ADSL: variants seen among roughly 807,000 people sequenced by gnomAD.
ADSL encodes the protein adenylosuccinase.
Under a neutral mutation model 62.1 loss-of-function variants are expected in ADSL, and 44 were observed. The ratio of observed to expected loss-of-function variants is 0.71; its 90% CI spans 0.56 to 0.91. The LOEUF (loss-of-function observed/expected upper bound fraction) is 0.91. ADSL is among the 40% of genes least tolerant of loss of function. The probability of loss-of-function intolerance (pLI) is 0.00; values close to 1 mark genes in which losing one functional copy is unlikely to be tolerated. For missense variants in ADSL, 531 were observed against 627.4 expected (o/e 0.85, Z 1.64); for synonymous variants, 198 against 220.5 (o/e 0.90, Z 0.90).
chr22:40,363,991 G>A (rs1450029095), intron 10 of ADSL, among the ~76,000 whole-genome samples: 2 of 151,950 alleles, frequency 1.3e-5, no homozygotes, highest in African/African-American at 2.4e-5. Context: ...GCAGGAGAAT[G>A]GCGTGAGCCC....
At position 40,353,623 on chromosome 22, in the gene ADSL, T is replaced by TC. The variant is rs202006319; in HGVS notation, c.402+506_402+507insC. Reference sequence around the variant, plus strand: ...CTAAATGGTTTTTAAAGCATAGCCTTTTTTTTTTTTTTTTTTTTTTGAGAT... The same window carrying TC: ...CTAAATGGTTTTTAAAGCATAGCCTTCTTTTTTTTTTTTTTTTTTTTGAGAT... On this transcript the variant is annotated intron_variant, in intron 3 of 12. Coordinates refer to ENST00000623063, the MANE Select transcript of ADSL (RefSeq NM_000026.4). Among the ~76,000 whole-genome samples the TC allele has an allele frequency of 2.5e-3, 259 of 104,296 alleles. 12 individuals carry two copies. The East Asian group carries it at 0.046, about 19-fold the overall frequency. 68.4% of individuals were successfully genotyped at this position (104,296 alleles called of 152,430 possible).
intron 6 of ADSL, 29 bp from the exon 7 acceptor site, chr22:40,360,373 A>C: frequency 6.3e-7 from 1 of 1,581,074 alleles, no homozygotes; most frequent in Non-Finnish European, 8.7e-7. Flanking sequence ...AAATATTTTA[A>C]CCTAAGTCTC....
At chr22:40,359,369 C>A in intron 6 of ADSL, 63 bp downstream of exon 6, 1 of 1,529,856 alleles carries the variant, frequency 6.5e-7, no homozygotes, top group Non-Finnish European at 9.1e-7. Flanking sequence ...ATTCAGTATA[C>A]CTGCAGATTT....
downstream of ADSL, chr22:40,369,402 ATATT>A (rs2045118776): frequency 6.7e-6 from 1 of 149,186 alleles, no homozygotes; most frequent in African/African-American, 2.4e-5. Context: ...AAACATATAT[ATATT>A]AAATGTACAT....
chr22:40,351,353 G>A (rs937517436), intron 2 of ADSL, among the ~76,000 whole-genome samples: 2 of 151,826 alleles, frequency 1.3e-5, no homozygotes, highest in Non-Finnish European at 2.9e-5. Context: ...TTTATTTTTA[G>A]TAGAGACAGG....
downstream of ADSL, among the ~76,000 whole-genome samples, chr22:40,373,740 C>T (rs1290822948): frequency 2.0e-5 from 3 of 151,512 alleles, no homozygotes; most frequent in African/African-American, 7.3e-5. Flanking sequence ...CTCAGCCTCC[C>T]GAGTAGCTGA....
At chr22:40,352,508 A>G (rs2044387614) in intron 2 of ADSL, among the ~76,000 whole-genome samples, 1 of 152,174 alleles carries the variant, frequency 6.6e-6, no homozygotes, top group African/African-American at 2.4e-5. Context: ...AGCCTGGGCG[A>G]CAGAGCGAGA....
chr22:40,362,279 A>G (rs1237988511), intron 9 of ADSL, among the ~76,000 whole-genome samples: 1 of 152,186 alleles, frequency 6.6e-6, no homozygotes, highest in Admixed American at 6.5e-5. Context: ...TCTTGAGTGG[A>G]TACGGATGTA....
chr22:40,362,634 G>A (rs111953045), intron 9 of ADSL, among the ~76,000 whole-genome samples: 56 of 152,210 alleles, frequency 3.7e-4, no homozygotes, highest in Admixed American at 2.0e-4. Flanking sequence ...AGCTTGGTGA[G>A]TGGGGCGCTA....
chr22:40,370,199 C>CA (rs2045168744), downstream of ADSL, among the ~76,000 whole-genome samples: 2 of 151,328 alleles, frequency 1.3e-5, no homozygotes, highest in South Asian at 2.1e-4. Flanking sequence ...ACTAAAAATA[C>CA]AAAAAAATTA....
chr22:40,354,805 G>A (rs1430744007), intron 4 of ADSL, among the ~76,000 whole-genome samples: 1 of 151,388 alleles, frequency 6.6e-6, no homozygotes, highest in African/African-American at 2.4e-5. Flanking sequence ...GGACGCGGAG[G>A]TTGCAGTGAG....
intron 4 of ADSL, among the ~76,000 whole-genome samples, chr22:40,356,793 T>C (rs1266407871): frequency 6.6e-6 from 1 of 151,914 alleles, no homozygotes; most frequent in African/African-American, 2.4e-5. Flanking sequence ...CAGTGAGCTG[T>C]GATTATACCA....
chr22:40,358,760 G>T, intron 4 of ADSL, 104 bp from the exon 5 acceptor site: 1 of 1,057,386 alleles, frequency 9.5e-7, no homozygotes, highest in Non-Finnish European at 1.5e-6. Context: ...TACTTAAATT[G>T]TTCTCCCTCC....
At chr22:40,350,373 C>G (rs980467273) in intron 2 of ADSL, 4 of 261,318 alleles carry the variant, frequency 1.5e-5, no homozygotes, top group African/African-American at 4.6e-5. Flanking sequence ...TGATCCACCC[C>G]CCTCAGCCTC....
At chr22:40,373,899 C>T (rs1181221351), downstream of ADSL, among the ~76,000 whole-genome samples, 4 of 151,988 alleles carry the variant, frequency 2.6e-5, no homozygotes, top group African/African-American at 9.7e-5. Flanking sequence ...CAGGCGTGAG[C>T]CACCACACCT....
intron 4 of ADSL, 112 bp downstream of exon 4, chr22:40,354,439 T>TATAAGTA (rs1253428524): frequency 1.1e-6 from 1 of 882,130 alleles, no homozygotes; most frequent in Non-Finnish European, 1.9e-6. Flanking sequence ...ATGATTTAAA[T>TATAAGTA]ATAAGTAATT....
chr22:40,354,925 C>T (rs1395686394), intron 4 of ADSL, among the ~76,000 whole-genome samples: 1 of 151,064 alleles, frequency 6.6e-6, no homozygotes, highest in Non-Finnish European at 1.5e-5. Context: ...ATAAGTAAGG[C>T]ATAGTATTCA....
chr22:40,349,167 T>C (rs1269272962), intron 1 of ADSL, among the ~76,000 whole-genome samples: 2 of 152,074 alleles, frequency 1.3e-5, no homozygotes, highest in East Asian at 1.9e-4. Flanking sequence ...TTAATAAATA[T>C]GTAAAAATGT....
intron 9 of ADSL, 118 bp downstream of exon 9, chr22:40,361,753 A>T (rs1173425801): frequency 8.0e-6 from 11 of 1,382,264 alleles, no homozygotes; most frequent in Non-Finnish European, 1.1e-5. Context: ...AGGATCCCAG[A>T]GTCTAGCAGG....
Sources: allele counts gnomAD v4.1 joint callset (sites outside exome capture counted in the v4.1 genomes callset), GRCh38; gene constraint gnomAD v4.1.1; transcripts MANE v1.5; gene names NCBI Gene and HGNC (gene_info 2026-07-23, HGNC 2026-07-21).